The following R3HDM1 variants were observed in gnomAD, a reference collection of about 807,000 sequenced individuals.
The protein encoded by R3HDM1 is R3H domain-containing protein 1.
Under a neutral mutation model 141.1 loss-of-function variants are expected in R3HDM1, and 46 were observed. That is an observed-to-expected ratio of 0.33 (90% CI 0.26 to 0.42). R3HDM1 has a LOEUF of 0.42. R3HDM1 is among the 10% of genes least tolerant of loss of function. The pLI is 1.00. For missense variants in R3HDM1, 1,184 were observed against 1,368.3 expected, an observed-to-expected ratio of 0.87 and a Z score of 2.12; for synonymous variants, 435 against 472.9, an observed-to-expected ratio of 0.92 and a Z score of 1.04.
intron 15 of R3HDM1, among the ~76,000 whole-genome samples, chr2:135,643,592 G>T (rs2064040544): frequency 6.6e-6 from 1 of 151,832 alleles, no homozygotes; most frequent in Non-Finnish European, 1.5e-5. Context: ...TCCAATTTTA[G>T]TAAAGAAAAA....
chr2:135,622,819 G>T, intron 7 of R3HDM1, 87 bp downstream of exon 7: 1 of 1,393,560 alleles, frequency 7.2e-7, no homozygotes, highest in Non-Finnish European at 9.4e-7. Context: ...TAGAGTAATA[G>T]AATAAGATTG....
chr2:135,674,898 A>T (rs2068917206), intron 19 of R3HDM1, among the ~76,000 whole-genome samples: 1 of 150,848 alleles, frequency 6.6e-6, no homozygotes, highest in Non-Finnish European at 1.5e-5. Context: ...GCTTGTGTTA[A>T]TATTCTGTTG....
intron 15 of R3HDM1, among the ~76,000 whole-genome samples, chr2:135,643,304 A>G (rs749485298): frequency 6.6e-6 from 1 of 152,128 alleles, no homozygotes; most frequent in Non-Finnish European, 1.5e-5. Flanking sequence ...ACAAATTATC[A>G]GTATACTAAT....
At chr2:135,689,323 A>G (rs758573694) in intron 21 of R3HDM1, among the ~76,000 whole-genome samples, 19 of 152,236 alleles carry the variant, frequency 1.2e-4, no homozygotes, top group Non-Finnish European at 5.9e-5. Flanking sequence ...GTATCCTGAC[A>G]TAAAACTATA....
chr2:135,591,097 G>C (rs926638279), intron 1 of R3HDM1, among the ~76,000 whole-genome samples: 2 of 152,102 alleles, frequency 1.3e-5, no homozygotes, highest in African/African-American at 4.8e-5. Flanking sequence ...AAGGAAATGG[G>C]TCATGTTAGA....
Position 135,639,117 on chromosome 2 carries a change from A to C in R3HDM1, c.1214A>C (p.Lys405Thr), listed in dbSNP as rs767037018. The part of the protein sequence containing the change: ...GSSKSIGRLS[K>T]TGSESSGSVG... ...AGCAAAAGCATAGGCAGGCTTTCAA[A>C]AACAGGTATAAATATCTACACAAAA... The change falls in exon 14 of 27, where the codon AAA (lysine) becomes ACA (threonine). Residue 405 changes from lysine (K) to threonine (T), a missense_variant. Physicochemically the swap from Lys to Thr is moderately conservative, Grantham distance 78. This residue lies in a region of R3HDM1 where 240 missense variants were observed against 312.3 expected (regional missense o/e 0.77). Coordinates refer to ENST00000683871, the MANE Select transcript of R3HDM1 (RefSeq NM_001378107.1). 6.2e-7 allele frequency: 1 copy of C among 1,613,688 alleles called. No homozygotes were observed. Among genetic ancestry groups the C allele is most frequent in the Non-Finnish European group, 8.5e-7 (1 of 1,179,790 alleles).
chr2:135,708,462 T>C (rs899925778), intron 21 of R3HDM1, among the ~76,000 whole-genome samples: 1 of 152,202 alleles, frequency 6.6e-6, no homozygotes. Flanking sequence ...AAAAAGTTAT[T>C]CCAACTAAAT....
intron 1 of R3HDM1, among the ~76,000 whole-genome samples, chr2:135,576,539 A>C (rs1276838780): frequency 1.3e-5 from 2 of 152,206 alleles, no homozygotes; most frequent in Non-Finnish European, 2.9e-5. Context: ...ATGTATAAGA[A>C]TAAATACAAC....
chr2:135,633,504 C>G (rs990617252), intron 9 of R3HDM1, among the ~76,000 whole-genome samples: 1 of 152,048 alleles, frequency 6.6e-6, no homozygotes, highest in African/African-American at 2.4e-5. Flanking sequence ...CTAGGCTCAG[C>G]AGAGATGCTT....
At chr2:135,533,910 G>GT (rs1329951280) in intron 1 of R3HDM1, 1 of 798,832 alleles carries the variant, frequency 1.3e-6, no homozygotes, top group African/African-American at 1.9e-5. Flanking sequence ...GGTAAAGTAT[G>GT]TAAATCCCCT....
At chr2:135,723,725 C>T (rs1307769624) in intron 26 of R3HDM1, among the ~76,000 whole-genome samples, 4 of 138,604 alleles carry the variant, frequency 2.9e-5, no homozygotes, top group Non-Finnish European at 4.5e-5. Flanking sequence ...TGCAGTGAGC[C>T]GAGATCACAC....
At chr2:135,544,110 A>G (rs1175362046) in intron 1 of R3HDM1, among the ~76,000 whole-genome samples, 1 of 152,222 alleles carries the variant, frequency 6.6e-6, no homozygotes, top group African/African-American at 2.4e-5. Context: ...ATGCCTGTAA[A>G]TGTTTTGGTA....
In R3HDM1 at chr2:135,707,632, A is replaced by G. The variant is rs777478354; in HGVS notation, c.2460-1801A>G. On this transcript the variant is annotated intron_variant, in intron 21 of 26. Coordinates refer to ENST00000683871, the MANE Select transcript of R3HDM1 (RefSeq NM_001378107.1). ...CACCCACATGTCTCAGACCTTAGCA[A>G]ACAAGATCAGAGTGAGGGGCATGGC... Among the ~76,000 whole-genome samples the G allele has an allele frequency of 3.3e-5, 5 of 152,192 alleles. No individual in the cohort carries two copies. The East Asian group carries it at 7.7e-4, about 23-fold the overall frequency.
intron 1 of R3HDM1, among the ~76,000 whole-genome samples, chr2:135,546,690 G>A (rs1419866352): frequency 1.3e-5 from 2 of 152,216 alleles, no homozygotes; most frequent in South Asian, 4.1e-4. Context: ...ACTCAGGATG[G>A]TTTGACCACA....
intron 21 of R3HDM1, among the ~76,000 whole-genome samples, chr2:135,692,775 G>T (rs988636295): frequency 2.0e-5 from 3 of 152,150 alleles, no homozygotes; most frequent in African/African-American, 7.2e-5. Flanking sequence ...CGTATTATGT[G>T]CATCAGGTGG....
At chr2:135,567,446 AC>A (rs925364965) in intron 1 of R3HDM1, among the ~76,000 whole-genome samples, 2 of 152,110 alleles carry the variant, frequency 1.3e-5, no homozygotes, top group African/African-American at 4.8e-5. Flanking sequence ...GTGACCTTTT[AC>A]CAGTGTGGGG....
rs368537595 is a variant in R3HDM1, at chr2:135,706,803, C to T, written c.2460-2630C>T. Among the ~76,000 whole-genome samples, 32 of 152,316 alleles carry T rather than the reference C, an allele frequency of 2.1e-4. No homozygotes were observed. The East Asian group carries it at 5.0e-3, about 24-fold the overall frequency. On this transcript the variant is annotated intron_variant, in intron 21 of 26. Coordinates refer to ENST00000683871, the MANE Select transcript of R3HDM1 (RefSeq NM_001378107.1). ...TTTCTACACAGACACAGCAACCATC[C>T]GATTTCTCAATCTATTCCCCACCTT...
chr2:135,600,270 A>G (rs1003745485), intron 1 of R3HDM1, among the ~76,000 whole-genome samples: 27 of 152,100 alleles, frequency 1.8e-4, no homozygotes, highest in Non-Finnish European at 2.8e-4. Context: ...TTAATATTCA[A>G]TTAGAAGCCT....
At chr2:135,566,888 C>A in intron 1 of R3HDM1, 1 of 461,674 alleles carries the variant, frequency 2.2e-6, no homozygotes, top group Non-Finnish European at 2.8e-6. Flanking sequence ...AGAAGAATCA[C>A]TTGAACTTGG....
Sources: allele counts gnomAD v4.1 joint callset (sites outside exome capture counted in the v4.1 genomes callset), GRCh38; gene constraint gnomAD v4.1.1; regional missense constraint gnomAD v4.1.1; transcripts MANE v1.5; gene names NCBI Gene and HGNC (gene_info 2026-07-23, HGNC 2026-07-21).